Variants in LDB1 observed in about 807,000 individuals in gnomAD.
The protein encoded by LDB1 is LIM domain binding 1.
In LDB1, 6 loss-of-function variants were observed where a neutral mutation model predicts 49.7. That is an observed-to-expected ratio of 0.12 (90% CI 0.07 to 0.24). The LOEUF (loss-of-function observed/expected upper bound fraction) is 0.24, where lower values mean the gene tolerates loss of function less well. Among genes scored for constraint, LDB1 ranks in the 10% least tolerant of loss-of-function variants. The probability of loss-of-function intolerance (pLI) is 1.00; values close to 1 mark genes in which losing one functional copy is unlikely to be tolerated. For missense variants in LDB1, 341 were observed against 561.7 expected, an observed-to-expected ratio of 0.61 and a Z score of 3.97; for synonymous variants, 233 against 202.0, an observed-to-expected ratio of 1.15 and a Z score of -1.30.
rs1250150055 is a variant in LDB1 at position 102,107,140 on chromosome 10, C to T, written c.*953G>A. ...CAACAAGGCTGCTCCCTTCTCTCCA[C>T]GCTCCCTAAGGGAAGGAGCCTCCCC... On this transcript the variant is annotated 3_prime_UTR_variant, in exon 11 of 11. Transcript: ENST00000673968. Among the ~76,000 whole-genome samples, 30 of 152,150 alleles carry T rather than the reference C, an allele frequency of 2.0e-4. No homozygotes were observed. The highest frequency in any genetic ancestry group is 6.2e-4 in the South Asian group (3 of 4,822).
chr10:102,106,402 A>G (rs2068160008), downstream of LDB1, among the ~76,000 whole-genome samples: 1 of 151,724 alleles, frequency 6.6e-6, no homozygotes, highest in South Asian at 2.1e-4. Context: ...AAGGGATCCA[A>G]TTCATAGTCT....
At position 102,109,790 on chromosome 10, in the gene LDB1, A is replaced by G. The variant is rs1169660875; in HGVS notation, c.649-107T>C. On this transcript the variant is annotated intron_variant, in intron 7 of 10. Transcript: ENST00000673968. The surrounding 1 kb of genome is among the most constrained non-coding windows in gnomAD (Gnocchi z 5.8). ...CACTCCTGAGAGAGGATAGTCTCTT[A>G]TTAAACCTGCTGTTCAGATGAAGAA... 1.9e-6 allele frequency: 3 copies of G among 1,552,770 alleles called. No homozygotes were observed. Among genetic ancestry groups the G allele is most frequent in the Non-Finnish European group, 2.7e-6 (3 of 1,129,368 alleles).
intron 1 of LDB1, among the ~76,000 whole-genome samples, chr10:102,115,548 C>G (rs996754860): frequency 6.6e-6 from 1 of 152,120 alleles, no homozygotes; most frequent in Admixed American, 6.5e-5. Context: ...CTGCCCCCAA[C>G]CCAGCTAAAT....
chr10:102,102,174 C>G (rs909956294), downstream of LDB1, among the ~76,000 whole-genome samples: 5 of 152,224 alleles, frequency 3.3e-5, no homozygotes, highest in African/African-American at 4.8e-5. Flanking sequence ...ATTCACCTGC[C>G]TTGGCTTCCC....
At position 102,117,221 on chromosome 10, in the gene LDB1, G is replaced by A. The variant is rs1034945836; in HGVS notation, c.25+2865C>T. Among the ~76,000 whole-genome samples, 2 of 152,194 alleles carry A rather than the reference G, an allele frequency of 1.3e-5. No individual in the cohort carries two copies. Among genetic ancestry groups the A allele is most frequent in the African/African-American group, 4.8e-5 (2 of 41,444 alleles). ...CAGGAGGGACTACAAGGGCCCTCCA[G>A]TCTCGCTGTGGGGTGGAGGGGCCCC... On this transcript the variant is annotated intron_variant, in intron 1 of 10. Coordinates refer to ENST00000673968, the MANE Select transcript of LDB1 (RefSeq NM_001113407.3). The surrounding 1 kb of genome is among the most constrained non-coding windows in gnomAD (Gnocchi z 4.2).
At position 102,117,744 on chromosome 10, in the gene LDB1, C is replaced by T. The variant is rs1483145537; in HGVS notation, c.25+2342G>A. 1.3e-5 allele frequency among the ~76,000 whole-genome samples: 2 copies of T among 152,214 alleles called. No homozygotes were observed. Among genetic ancestry groups the T allele is most frequent in the African/African-American group, 2.4e-5 (1 of 41,454 alleles). On this transcript the variant is annotated intron_variant, in intron 1 of 10. Transcript: ENST00000673968. The surrounding 1 kb of genome is among the most constrained non-coding windows in gnomAD (Gnocchi z 4.2). ...ATGCTGCCCCAGACAGGCCCTGGCC[C>T]CCTCAGCCTCTTGCTCAGGGTGATG...
In LDB1 at chr10:102,117,172, C is replaced by T. The variant is rs1394896847; in HGVS notation, c.25+2914G>A. ...TGCCTCCAGCCCAGAGCTCAGAACCCCACACCCACCCTGTCTCCTCAGACA... is the reference window on the plus strand; with the variant it reads ...TGCCTCCAGCCCAGAGCTCAGAACCTCACACCCACCCTGTCTCCTCAGACA... On this transcript the variant is annotated intron_variant, in intron 1 of 10. Coordinates refer to ENST00000673968, the MANE Select transcript of LDB1 (RefSeq NM_001113407.3). This position sits in a 1 kb window ranked among gnomAD's most constrained non-coding sequence, Gnocchi z 4.2. 6.6e-6 allele frequency among the ~76,000 whole-genome samples: 1 copy of T among 152,150 alleles called. No homozygotes were observed. The highest frequency in any genetic ancestry group is 1.5e-5 in the Non-Finnish European group (1 of 68,026).
At position 102,109,065 on chromosome 10, in the gene LDB1, G is replaced by A; in HGVS notation, c.969C>T (p.Ser323=). The A allele has an allele frequency of 6.2e-7, 1 of 1,614,220 alleles. No individual in the cohort carries two copies. Among genetic ancestry groups the A allele is most frequent in the East Asian group, 2.2e-5 (1 of 44,884 alleles). The part of the protein sequence containing the change: ...NTNNSNSKKK[S]PASTFALSSQ... ...TGGAGAGGGCGAAGGTGCTAGCTGG[G>A]CTCTTCTTCTTGCTGTTGCTGTTGT... is the stretch of plus-strand genomic sequence containing the variant. Residue 323 remains serine (S), a synonymous_variant, in exon 10 of 11, where the codon AGC becomes AGT. Coordinates refer to ENST00000673968, the MANE Select transcript of LDB1 (RefSeq NM_001113407.3). This position sits in a 1 kb window ranked among gnomAD's most constrained non-coding sequence, Gnocchi z 5.8.
chr10:102,111,569 G>A (rs770419073), intron 1 of LDB1, 33 bp from the exon 2 acceptor site: 15 of 1,340,664 alleles, frequency 1.1e-5, no homozygotes, highest in Middle Eastern at 1.9e-4. Context: ...ATAGCTGGGC[G>A]CGGTGGCTCA....
intron 3 of LDB1, 43 bp from the exon 4 acceptor site, chr10:102,111,187 C>A: frequency 6.2e-7 from 1 of 1,608,142 alleles, no homozygotes; most frequent in Non-Finnish European, 8.5e-7. Flanking sequence ...GCGGAGCCTG[C>A]CCCCTCCACC....
intron 6 of LDB1, among the ~76,000 whole-genome samples, 159 bp from the exon 7 acceptor site, chr10:102,110,202 C>T (rs1178354528): frequency 6.6e-6 from 1 of 152,106 alleles, no homozygotes; most frequent in Non-Finnish European, 1.5e-5. Context: ...ACCCCCCACC[C>T]ATATACCTGG....
intron 1 of LDB1, among the ~76,000 whole-genome samples, chr10:102,116,714 T>C (rs568120913): frequency 2.6e-5 from 4 of 152,170 alleles, no homozygotes; most frequent in Admixed American, 6.5e-5. Context: ...CTGCGTACCA[T>C]TCCTCATCAC....
chr10:102,103,272 C>A (rs2068132519), downstream of LDB1, among the ~76,000 whole-genome samples: 3 of 152,124 alleles, frequency 2.0e-5, no homozygotes, highest in South Asian at 2.1e-4. Context: ...AGGTGATCAA[C>A]CTGCCTCGGC....
Position 102,117,640 on chromosome 10 carries a change from C to T in LDB1, c.25+2446G>A, listed in dbSNP as rs933772706. On this transcript the variant is annotated intron_variant, in intron 1 of 10. Transcript: ENST00000673968. The surrounding 1 kb of genome is among the most constrained non-coding windows in gnomAD (Gnocchi z 4.2). ...GTTGGCCTGGCGCTCTGCCATCCTCCTCTCCTGGCTCCCAGCCGCCACCAC... is the reference window on the plus strand; with the variant it reads ...GTTGGCCTGGCGCTCTGCCATCCTCTTCTCCTGGCTCCCAGCCGCCACCAC... 6.6e-6 allele frequency among the ~76,000 whole-genome samples: 1 copy of T among 152,138 alleles called. No individual in the cohort carries two copies. Among genetic ancestry groups the T allele is most frequent in the African/African-American group, 2.4e-5 (1 of 41,420 alleles).
chr10:102,115,441 TG>T (rs1183136998), intron 1 of LDB1, among the ~76,000 whole-genome samples: 1 of 152,170 alleles, frequency 6.6e-6, no homozygotes, highest in Non-Finnish European at 1.5e-5. Context: ...CTGGAGCAGC[TG>T]GGGGGAGAGG....
chr10:102,111,539 A>G lies in LDB1; in HGVS notation c.26-3T>C. 2.0e-6 allele frequency: 3 copies of G among 1,515,742 alleles called. No homozygotes were observed. The highest frequency in any genetic ancestry group is 1.8e-6 in the Non-Finnish European group (2 of 1,131,102). 93.9% of individuals were successfully genotyped at this position (1,515,742 alleles called of 1,614,324 possible). A position where few individuals can be genotyped will look rare whatever the true frequency, so the allele number is the denominator to read the frequency against. ...CTTGAATGACTTTGAGGAACAACCT[A>G]GACGAGAAAGAAAGGAGTCATAGCT... On this transcript the variant is annotated splice_polypyrimidine_tract_variant and splice_region_variant and intron_variant, in intron 1 of 10. Transcript: ENST00000673968.
rs756606215 is a variant in LDB1, at chr10:102,109,686, A to G, written c.649-3T>C. 1.2e-6 allele frequency: 2 copies of G among 1,613,878 alleles called. No individual in the cohort carries two copies. Among genetic ancestry groups the G allele is most frequent in the African/African-American group, 2.7e-5 (2 of 74,910 alleles). On this transcript the variant is annotated splice_region_variant and splice_polypyrimidine_tract_variant and intron_variant, in intron 7 of 10. Coordinates refer to ENST00000673968, the MANE Select transcript of LDB1 (RefSeq NM_001113407.3). The surrounding 1 kb of genome is among the most constrained non-coding windows in gnomAD (Gnocchi z 5.8). ...TCCAACATCTGGGGGTCTTGGGCCT[A>G]GAGTGGGAGAAAAGACAAGAAAGAA...
intron 1 of LDB1, chr10:102,114,712 A>C (rs2133522788): frequency 2.5e-6 from 2 of 808,654 alleles, no homozygotes; most frequent in African/African-American, 3.7e-5. Context: ...CTTTGTTTGC[A>C]AGGTTTCCCT....
chr10:102,111,357 A>C (rs928177921), intron 2 of LDB1, 57 bp from the exon 3 acceptor site: 1 of 1,598,926 alleles, frequency 6.3e-7, no homozygotes, highest in African/African-American at 1.3e-5. Flanking sequence ...TATTGGGGGC[A>C]GGGGGCTACT....
Sources: gnomAD v4.1 joint callset for allele counts (sites outside exome capture counted in the v4.1 genomes callset) on GRCh38, gnomAD v4.1.1 for gene constraint, Gnocchi (gnomAD v3.1) non-coding constraint, MANE v1.5 for transcripts, NCBI Gene and HGNC (gene_info 2026-07-23, HGNC 2026-07-21) for gene names.